USP9X: variants seen among roughly 807,000 people sequenced by gnomAD.
USP9X encodes the protein ubiquitin specific peptidase 9 X-linked.
USP9X carries 7 observed loss-of-function variants against 190.3 expected under a neutral mutation model. The observed-to-expected ratio is 0.04, with a 90% CI of 0.02 to 0.07. The LOEUF (loss-of-function observed/expected upper bound fraction) is 0.07. USP9X is among the 10% of genes least tolerant of loss of function. USP9X has a pLI of 1.00. For synonymous variants in USP9X, 645 were observed against 659.5 expected (o/e 0.98, Z 0.34); for missense variants, 1,010 against 1,916.9 (o/e 0.53, Z 8.83).
Position 41,188,058 on chromosome X carries a change from T to C in USP9X, c.3751T>C (p.Cys1251Arg), listed in dbSNP as rs993618247. 4.1e-6 allele frequency: 5 copies of C among 1,209,502 alleles called. No homozygotes were observed. The highest frequency in any genetic ancestry group is 1.7e-5 in the African/African-American group (1 of 57,785). Residue 1251 changes from cysteine to arginine, a missense_variant, in exon 25 of 45, where the codon TGT becomes CGT. Physicochemically the swap from Cys to Arg is radical, Grantham distance 180. This residue lies in a region of USP9X where 351 missense variants were observed against 480.8 expected (regional missense o/e 0.73). Transcript: ENST00000378308. ...AIQKIIWASG[C>R]GSLQLVFSPN... Reference sequence around the variant, plus strand: ...ACAAAAAATTATCTGGGCATCAGGATGTGGGTCGTTACAGCTAGTATTTAG... The same window carrying C: ...ACAAAAAATTATCTGGGCATCAGGACGTGGGTCGTTACAGCTAGTATTTAG...
chrX:41,195,277 C>T (rs1344666532), intron 26 of USP9X, among the ~76,000 whole-genome samples: 1 of 110,832 alleles, frequency 9.0e-6, no homozygotes, highest in Non-Finnish European at 1.9e-5. Context: ...CCTCCTGATC[C>T]GTCCGCCTCA....
intron 39 of USP9X, among the ~76,000 whole-genome samples, chrX:41,223,625 C>CG (rs1265581901): frequency 9.0e-6 from 1 of 110,996 alleles, no homozygotes; most frequent in Non-Finnish European, 1.9e-5. Flanking sequence ...TTAGCAGAGA[C>CG]GGGGTTTCGC....
In USP9X at chrX:41,165,924, A is replaced by G. The variant is rs368726849; in HGVS notation, c.2038A>G (p.Ile680Val). Residue 680 changes from isoleucine to valine, a missense_variant, in exon 16 of 45, where the codon ATA (isoleucine) becomes GTA (valine). Ile to Val is a conservative substitution (Grantham distance 29). This residue lies in a region of USP9X where 104 missense variants were observed against 239.8 expected (regional missense o/e 0.43). Coordinates refer to ENST00000378308, the MANE Select transcript of USP9X (RefSeq NM_001039591.3). ...LWLCAPQAKQ[I>V]WKCLAENAVY... ...GCTATGTGCTCCTCAGGCAAAACAAATATGGAAATGCTTAGCTGAGAATGC... is the reference window on the plus strand; with the variant it reads ...GCTATGTGCTCCTCAGGCAAAACAAGTATGGAAATGCTTAGCTGAGAATGC... The G allele has an allele frequency of 9.1e-6, 11 of 1,210,203 alleles. No individual in the cohort carries two copies. Among genetic ancestry groups the G allele is most frequent in the African/African-American group, 1.7e-5 (1 of 57,247 alleles).
intron 34 of USP9X, among the ~76,000 whole-genome samples, chrX:41,215,517 A>G (rs757100754): frequency 3.5e-5 from 4 of 112,819 alleles, no homozygotes; most frequent in African/African-American, 1.3e-4. Flanking sequence ...AGGATTCGGT[A>G]TGTTTTTACT....
chrX:41,140,877 A>T (rs1021627580), intron 7 of USP9X, 89 bp from the exon 8 acceptor site: 1 of 1,090,900 alleles, frequency 9.2e-7, no homozygotes, highest in African/African-American at 1.9e-5. Context: ...AATAACTGGG[A>T]TTTTTTAAAA....
intron 1 of USP9X, among the ~76,000 whole-genome samples, chrX:41,122,218 T>A (rs562566295): frequency 4.8e-4 from 53 of 111,209 alleles, no homozygotes; most frequent in Non-Finnish European, 9.4e-4. Context: ...TGGTTTCTTC[T>A]CTGGCTTGCA....
intron 26 of USP9X, among the ~76,000 whole-genome samples, chrX:41,195,461 C>G (rs187646622): frequency 9.0e-6 from 1 of 111,435 alleles, no homozygotes; most frequent in Non-Finnish European, 1.9e-5. Flanking sequence ...GCATTTCTAA[C>G]AAGTTCCCAG....
At chrX:41,183,502 T>TC (rs1179309818) in intron 21 of USP9X, among the ~76,000 whole-genome samples, 9 of 111,836 alleles carry the variant, frequency 8.0e-5, no homozygotes, top group African/African-American at 2.9e-4. Flanking sequence ...CTGCTTGCTT[T>TC]GAGGTGAATG....
Position 41,152,953 on chromosome X carries a change from C to A in USP9X, c.1769C>A (p.Thr590Asn). 1 of 1,207,728 alleles carries A rather than the reference C, an allele frequency of 8.3e-7. No individual in the cohort carries two copies. The highest frequency in any genetic ancestry group is 1.1e-6 in the Non-Finnish European group (1 of 893,519). ...TTAAGTTCTTCTCGTTTCAGTCAAA[C>A]TCAGCGAAGTCCCCATGTGTTTTAT... ...FGEAPQNLSQ[T>N]QRSPHVFYRH... is the part of the protein sequence containing the mutation. Residue 590 changes from threonine to asparagine, a missense_variant, in exon 14 of 45, where the codon ACT (threonine) becomes AAT (asparagine). Physicochemically the swap from Thr to Asn is moderately conservative, Grantham distance 65. Transcript: ENST00000378308.
At chrX:41,115,454 C>G (rs1354350653) in intron 1 of USP9X, among the ~76,000 whole-genome samples, 1 of 111,767 alleles carries the variant, frequency 8.9e-6, no homozygotes, top group Non-Finnish European at 1.9e-5. Context: ...GCAAAATTCA[C>G]AAGTCAAGAT....
At chrX:41,102,857 A>G (rs964896239) in intron 1 of USP9X, among the ~76,000 whole-genome samples, 10 of 109,619 alleles carry the variant, frequency 9.1e-5, no homozygotes, top group Admixed American at 1.9e-4. Context: ...CAGTGGTGCA[A>G]TCTTGGCTCA....
chrX:41,099,756 T>G lies in USP9X; in HGVS notation c.-159+13647T>G, dbSNP rs773851381. Among the ~76,000 whole-genome samples the G allele has an allele frequency of 3.6e-5, 4 of 111,995 alleles. No homozygotes were observed. In the South Asian group the frequency reaches 1.5e-3, roughly 42 times the overall value. ...GCTCACACCTGTAATCCCAGCACTT[T>G]GGGAGGCCAAGGCAGGTGGATCACG... On this transcript the variant is annotated intron_variant, in intron 1 of 44. Coordinates refer to ENST00000378308, the MANE Select transcript of USP9X (RefSeq NM_001039591.3).
In USP9X at chrX:41,166,166, C is replaced by G. The variant is rs759878055; in HGVS notation, c.2280C>G (p.Ala760=). The G allele has an allele frequency of 1.7e-6, 2 of 1,205,539 alleles. No homozygotes were observed. The highest frequency in any genetic ancestry group is 4.4e-5 in the Admixed American group (2 of 45,068). The change falls in exon 16 of 45, where the codon GCC becomes GCG. Residue 760 remains alanine, a synonymous_variant. Transcript: ENST00000378308. The stretch of plus-strand genomic sequence containing the variant: ...GAAAACTAGTAGCAAAAAGGAGAGC[C>G]TATATGATGGATGACTTGGAGTTAA... ...REGKLVAKRR[A]YMMDDLELIG... is the part of the protein sequence containing the mutation.
In USP9X at chrX:41,125,643, A is replaced by AACACACAC. The variant is rs748348083; in HGVS notation, c.96+1954_96+1961dup. On this transcript the variant is annotated intron_variant, in intron 2 of 44. Transcript: ENST00000378308. Reference sequence around the variant, plus strand: ...TCCCTCCCCCCACACCCCTCCCGCCAACACACACACACACACACACACACA... The same window carrying AACACACAC: ...TCCCTCCCCCCACACCCCTCCCGCCAACACACACACACACACACACACACACACACACA... Among the ~76,000 whole-genome samples, 225 of 27,663 alleles carry AACACACAC rather than the reference A, an allele frequency of 8.1e-3. 2 individuals are homozygous for AACACACAC. Among genetic ancestry groups the AACACACAC allele is most frequent in the South Asian group, 0.011 (4 of 358 alleles). The allele number at this position is 27,663 out of a possible 115,157, so 24.0% of individuals were successfully genotyped here.
At chrX:41,197,331 T>TGCCCCCCCC in intron 28 of USP9X, 33 bp from the exon 29 acceptor site, 1 of 486,767 alleles carries the variant, frequency 2.1e-6, no homozygotes, top group Non-Finnish European at 2.9e-6. Context: ...TTTGATTTCT[T>TGCCCCCCCC]CCCCCCCCCA....
intron 21 of USP9X, among the ~76,000 whole-genome samples, chrX:41,175,725 A>G (rs2062768553): frequency 9.0e-6 from 1 of 110,628 alleles, no homozygotes; most frequent in East Asian, 2.8e-4. Context: ...GTTAGAGCTA[A>G]GGAATGTGTG....
chrX:41,139,845 G>T (rs1182157024), intron 6 of USP9X, among the ~76,000 whole-genome samples: 1 of 111,717 alleles, frequency 9.0e-6, no homozygotes, highest in Non-Finnish European at 1.9e-5. Context: ...TTTTCCAGTG[G>T]CTTCTAAAAC....
At position 41,135,463 on chromosome X, in the gene USP9X, A is replaced by G. The variant is rs2062363857; in HGVS notation, c.435+626A>G. On this transcript the variant is annotated intron_variant, in intron 5 of 44. Transcript: ENST00000378308. Reference sequence around the variant, plus strand: ...GTAGTGCCCCCAAGTGACTAGCAGAAGCAAACACAATTCCTCTCTGCAAAT... The same window carrying G: ...GTAGTGCCCCCAAGTGACTAGCAGAGGCAAACACAATTCCTCTCTGCAAAT... Among the ~76,000 whole-genome samples the G allele has an allele frequency of 2.7e-5, 3 of 112,086 alleles. No individual in the cohort carries two copies. The Admixed American group carries it at 2.8e-4, about 11-fold the overall frequency.
chrX:41,189,355 G>C lies in USP9X; in HGVS notation c.3857G>C (p.Cys1286Ser). Residue 1286 changes from cysteine (C) to serine (S), a missense_variant, in exon 26 of 45, where the codon TGT (cysteine) becomes TCT (serine). This residue lies in a region of USP9X where 351 missense variants were observed against 480.8 expected (regional missense o/e 0.73). Coordinates refer to ENST00000378308, the MANE Select transcript of USP9X (RefSeq NM_001039591.3). ...GACTTGGAAGACGAACAGGTTTGCT[G>C]TGAAGCATTGGAAGTGATGACCTTA... is the stretch of plus-strand genomic sequence containing the variant. ...EPDLEDEQVC[C>S]EALEVMTLCF... The C allele has an allele frequency of 3.3e-6, 4 of 1,211,508 alleles. No individual in the cohort carries two copies. The South Asian group carries it at 7.0e-5, about 21-fold the overall frequency.
Sources: allele counts gnomAD v4.1 joint callset (sites outside exome capture counted in the v4.1 genomes callset), GRCh38; gene constraint gnomAD v4.1.1; regional missense constraint gnomAD v4.1.1; transcripts MANE v1.5; gene names NCBI Gene and HGNC (gene_info 2026-07-23, HGNC 2026-07-21).